SMYD3: variants seen among roughly 807,000 people sequenced by gnomAD.
The protein encoded by SMYD3 is histone-lysine N-methyltransferase SMYD3.
In SMYD3, 36 loss-of-function variants were observed where a neutral mutation model predicts 57.7. The observed-to-expected ratio is 0.62, with a 90% confidence interval of 0.48 to 0.82. The LOEUF (loss-of-function observed/expected upper bound fraction) is 0.82, where lower values mean the gene tolerates loss of function less well. Among genes scored for constraint, SMYD3 ranks in the 40% least tolerant of loss-of-function variants. The pLI, the probability that SMYD3 is intolerant of heterozygous loss-of-function variation, is 0.00. For synonymous variants in SMYD3, 211 were observed against 195.0 expected, an observed-to-expected ratio of 1.08 and a Z score of -0.68; for missense variants, 515 against 538.8, an observed-to-expected ratio of 0.96 and a Z score of 0.44.
intron 10 of SMYD3, among the ~76,000 whole-genome samples, chr1:245,828,422 A>C (rs967207281): frequency 6.6e-6 from 1 of 152,232 alleles, no homozygotes; most frequent in Non-Finnish European, 1.5e-5. Flanking sequence ...TTTCCAATAA[A>C]AAGAAAGGAA....
intron 5 of SMYD3, among the ~76,000 whole-genome samples, chr1:246,260,628 T>C (rs1313612755): frequency 6.6e-6 from 1 of 152,078 alleles, no homozygotes; most frequent in Non-Finnish European, 1.5e-5. Context: ...AGATGGGGTT[T>C]CACCATGTTG....
chr1:246,334,198 C>T (rs186383245), intron 3 of SMYD3, among the ~76,000 whole-genome samples: 129 of 152,266 alleles, frequency 8.5e-4, no homozygotes, highest in Admixed American at 2.7e-3. Context: ...ACCCAGCAAT[C>T]CCACTGTTGG....
intron 5 of SMYD3, among the ~76,000 whole-genome samples, chr1:246,323,230 T>G (rs1176383973): frequency 6.6e-6 from 1 of 152,170 alleles, no homozygotes; most frequent in Non-Finnish European, 1.5e-5. Context: ...TATAGAAAAC[T>G]CCACAATCAA....
intron 10 of SMYD3, among the ~76,000 whole-genome samples, chr1:245,830,939 T>C (rs2049799894): frequency 6.6e-6 from 1 of 152,162 alleles, no homozygotes; most frequent in Admixed American, 6.5e-5. Context: ...GGGTGGCCTC[T>C]TGCCAGCTGG....
intron 8 of SMYD3, among the ~76,000 whole-genome samples, chr1:245,892,371 A>G (rs915748796): frequency 3.9e-5 from 6 of 152,232 alleles, no homozygotes; most frequent in Non-Finnish European, 8.8e-5. Context: ...TTGAACCCTT[A>G]AAGTAGCTTT....
At chr1:246,303,489 TATA>T (rs2064929791) in intron 5 of SMYD3, among the ~76,000 whole-genome samples, 1 of 152,212 alleles carries the variant, frequency 6.6e-6, no homozygotes, top group Admixed American at 6.5e-5. Context: ...TCTATACACT[TATA>T]ATACCTAATA....
chr1:246,136,399 G>A (rs572119717), intron 5 of SMYD3, among the ~76,000 whole-genome samples: 13 of 152,266 alleles, frequency 8.5e-5, no homozygotes, highest in East Asian at 1.9e-4. Context: ...GGAGGAGCCC[G>A]GAGACAGTTG....
intron 1 of SMYD3, among the ~76,000 whole-genome samples, chr1:246,426,599 T>C (rs1405812040): frequency 6.6e-6 from 1 of 152,104 alleles, no homozygotes; most frequent in Non-Finnish European, 1.5e-5. Context: ...TTTACTAGGG[T>C]TTTTTTAAGT....
At chr1:245,968,898 T>A (rs2058223553) in intron 5 of SMYD3, among the ~76,000 whole-genome samples, 2 of 152,158 alleles carry the variant, frequency 1.3e-5, no homozygotes, top group African/African-American at 4.8e-5. Context: ...GGAAGATGCC[T>A]CCGTACACTG....
chr1:246,288,231 G>A (rs1476867093), intron 5 of SMYD3, among the ~76,000 whole-genome samples: 1 of 151,842 alleles, frequency 6.6e-6, no homozygotes, highest in Non-Finnish European at 1.5e-5. Context: ...GTACCACCAC[G>A]CCTGGCTAAT....
rs1166577566 is a variant in SMYD3, at chr1:245,825,145, G to A, written c.1076+33351C>T. On this transcript the variant is annotated intron_variant, in intron 10 of 11. Coordinates refer to ENST00000490107, the MANE Select transcript of SMYD3 (RefSeq NM_001167740.2). Reference sequence around the variant, plus strand: ...AACAGCCACCCAGACACGTGAGAATGCAGCTTTGCCTTAAGACAGACATTA... The same window carrying A: ...AACAGCCACCCAGACACGTGAGAATACAGCTTTGCCTTAAGACAGACATTA... Among the ~76,000 whole-genome samples, 3 of 152,148 alleles carry A rather than the reference G, an allele frequency of 2.0e-5. No individual in the cohort carries two copies. In the South Asian group the frequency reaches 6.2e-4, roughly 32 times the overall value.
chr1:245,763,655 G>A (rs543872543), intron 11 of SMYD3, among the ~76,000 whole-genome samples: 2 of 152,080 alleles, frequency 1.3e-5, no homozygotes, highest in East Asian at 1.9e-4. Flanking sequence ...GGCTTGCCAC[G>A]CGAGGGACAC....
At chr1:246,168,260 C>G (rs965968084) in intron 5 of SMYD3, among the ~76,000 whole-genome samples, 1 of 152,114 alleles carries the variant, frequency 6.6e-6, no homozygotes, top group Non-Finnish European at 1.5e-5. Context: ...ACAGGTAGCA[C>G]GTTCATGTAA....
intron 1 of SMYD3, among the ~76,000 whole-genome samples, chr1:246,500,416 T>C (rs913464503): frequency 6.6e-6 from 1 of 152,152 alleles, no homozygotes; most frequent in Admixed American, 6.5e-5. Flanking sequence ...CACAGCTCTA[T>C]CAAAGATTCT....
At chr1:246,163,729 T>C (rs2062159264) in intron 5 of SMYD3, among the ~76,000 whole-genome samples, 1 of 152,060 alleles carries the variant, frequency 6.6e-6, no homozygotes, top group Non-Finnish European at 1.5e-5. Flanking sequence ...AAGGAACAAG[T>C]GCAATTAAAA....
intron 5 of SMYD3, among the ~76,000 whole-genome samples, chr1:245,946,516 G>C (rs1475715473): frequency 6.6e-6 from 1 of 152,158 alleles, no homozygotes; most frequent in Non-Finnish European, 1.5e-5. Context: ...TATGAGTACA[G>C]TATCTTCATG....
At chr1:246,290,686 C>T (rs1393871963) in intron 5 of SMYD3, among the ~76,000 whole-genome samples, 1 of 152,192 alleles carries the variant, frequency 6.6e-6, no homozygotes, top group African/African-American at 2.4e-5. Flanking sequence ...GCACCTCAGC[C>T]TCTCACAATG....
At chr1:246,295,601 G>A (rs1402389136) in intron 5 of SMYD3, among the ~76,000 whole-genome samples, 1 of 152,122 alleles carries the variant, frequency 6.6e-6, no homozygotes, top group Non-Finnish European at 1.5e-5. Flanking sequence ...CAAGGAAAAA[G>A]TAAACTAGAT....
chr1:245,804,152 C>T (rs1370978319), intron 10 of SMYD3, among the ~76,000 whole-genome samples: 1 of 152,082 alleles, frequency 6.6e-6, no homozygotes, highest in East Asian at 1.9e-4. Context: ...TCCTTGTGAT[C>T]TGCCCATCTC....
Sources: allele counts gnomAD v4.1 joint callset (sites outside exome capture counted in the v4.1 genomes callset), GRCh38; gene constraint gnomAD v4.1.1; transcripts MANE v1.5; gene names NCBI Gene and HGNC (gene_info 2026-07-23, HGNC 2026-07-21).